NUP54: variants seen among roughly 807,000 people sequenced by gnomAD.
NUP54 encodes the protein nucleoporin 54.
A neutral mutation model predicts 66.4 loss-of-function variants in NUP54; 27 were observed. The ratio of observed to expected loss-of-function variants is 0.41; its 90% CI spans 0.30 to 0.56. The LOEUF is 0.56. Ranked by LOEUF, NUP54 falls within the 20% of genes least tolerant of loss-of-function variation. The pLI, the probability that NUP54 is intolerant of heterozygous loss-of-function variation, is 0.34. For synonymous variants in NUP54, 206 were observed against 210.7 expected (o/e 0.98, Z 0.19); for missense variants, 486 against 596.3 (o/e 0.82, Z 1.93).
chr4:76,131,415 T>C (rs1398945120), intron 6 of NUP54, 131 bp from the exon 7 acceptor site: 8 of 528,398 alleles, frequency 1.5e-5, no homozygotes, highest in Non-Finnish European at 2.6e-5. Context: ...AATATAATCA[T>C]GGTAAAAATA....
chr4:76,128,285 C>A (rs1210562022), intron 8 of NUP54, among the ~76,000 whole-genome samples: 1 of 151,896 alleles, frequency 6.6e-6, no homozygotes, highest in African/African-American at 2.4e-5. Context: ...AACCAAGAGT[C>A]TCCAGACATT....
chr4:76,121,976 C>T (rs977143345), intron 9 of NUP54, among the ~76,000 whole-genome samples: 1 of 152,114 alleles, frequency 6.6e-6, no homozygotes, highest in African/African-American at 2.4e-5. Flanking sequence ...TTTATGAAAA[C>T]CTCCAAGATA....
rs1275539994 is a variant in NUP54, at chr4:76,132,485, T to A, written c.907+38A>T. 8 of 1,490,460 alleles carry A rather than the reference T, an allele frequency of 5.4e-6. No homozygotes were observed. In the East Asian group the frequency reaches 1.9e-4, roughly 35 times the overall value. 92.3% of individuals were successfully genotyped at this position (1,490,460 alleles called of 1,614,324 possible). A position where few individuals can be genotyped will look rare whatever the true frequency, so the allele number is the denominator to read the frequency against. ...TACGGGGAGTGTTTAGTTCTAAATCTTTCTTTTTTTTTGAACTCTGTGATT... is the reference window on the plus strand; with the variant it reads ...TACGGGGAGTGTTTAGTTCTAAATCATTCTTTTTTTTTGAACTCTGTGATT... On this transcript the variant is annotated intron_variant, in intron 6 of 11. Transcript: ENST00000264883.
At chr4:76,138,147 GTATATA>G in intron 3 of NUP54, among the ~76,000 whole-genome samples, 1 of 152,096 alleles carries the variant, frequency 6.6e-6, no homozygotes, top group East Asian at 1.9e-4. Context: ...TCCCAAATTA[GTATATA>G]TAAACATTGG....
chr4:76,125,061 A>G (rs7693762), intron 8 of NUP54, among the ~76,000 whole-genome samples: 19,958 of 152,002 alleles, frequency 0.13, 1,538 homozygotes, highest in East Asian at 0.35. Context: ...AGGACGAGGC[A>G]GGCAAATTAC....
chr4:76,128,524 G>C lies in NUP54; in HGVS notation c.1056+2132C>G, dbSNP rs530984793. Among the ~76,000 whole-genome samples, 4 of 151,982 alleles carry C rather than the reference G, an allele frequency of 2.6e-5. No individual in the cohort carries two copies. In the South Asian group the frequency reaches 6.2e-4, roughly 24 times the overall value. On this transcript the variant is annotated intron_variant, in intron 8 of 11. Coordinates refer to ENST00000264883, the MANE Select transcript of NUP54 (RefSeq NM_017426.4). ...AATCCAAACTTTTTGCTGTCTACAA[G>C]AATCTCGCTTCAAATATAACAATAT...
intron 1 of NUP54, chr4:76,145,496 C>T: frequency 1.1e-6 from 1 of 933,452 alleles, no homozygotes; most frequent in South Asian, 1.7e-5. Context: ...ACTTATATTT[C>T]TACTTAGTCT....
intron 9 of NUP54, among the ~76,000 whole-genome samples, chr4:76,120,419 CTCTTTTT>C (rs1730179959): frequency 7.8e-6 from 1 of 127,754 alleles, no homozygotes; most frequent in African/African-American, 3.3e-5. Flanking sequence ...GTAAAGGGAT[CTCTTTTT>C]TTTTTTTTTT....
intron 1 of NUP54, among the ~76,000 whole-genome samples, chr4:76,145,084 C>T (rs149618424): frequency 0.13 from 19,711 of 151,362 alleles, 1,479 homozygotes; most frequent in East Asian, 0.34. Flanking sequence ...TTTGGGAGGC[C>T]GAGGGGGGTG....
At chr4:76,128,976 A>G (rs992655442) in intron 8 of NUP54, among the ~76,000 whole-genome samples, 3 of 152,174 alleles carry the variant, frequency 2.0e-5, no homozygotes, top group Admixed American at 2.0e-4. Flanking sequence ...AACAGATACA[A>G]AAGTACAGCT....
chr4:76,117,181 T>G (rs1383993891), intron 11 of NUP54, among the ~76,000 whole-genome samples: 5 of 152,336 alleles, frequency 3.3e-5, no homozygotes, highest in African/African-American at 1.2e-4. Flanking sequence ...ATATTTCCCT[T>G]TTATGAGTGG....
chr4:76,145,598 A>G, intron 1 of NUP54: 1 of 1,267,868 alleles, frequency 7.9e-7, no homozygotes, highest in Non-Finnish European at 1.0e-6. Context: ...GAGATTTGAC[A>G]GATAAATGGA....
At chr4:76,141,164 C>T (rs760736863) in intron 3 of NUP54, among the ~76,000 whole-genome samples, 2 of 134,796 alleles carry the variant, frequency 1.5e-5, no homozygotes, top group East Asian at 2.2e-4. Context: ...AATACATGGA[C>T]GGGCATCTCT....
chr4:76,125,383 T>C (rs1408380942), intron 8 of NUP54, among the ~76,000 whole-genome samples: 1 of 150,558 alleles, frequency 6.6e-6, no homozygotes, highest in African/African-American at 2.4e-5. Flanking sequence ...CCTGTAATCC[T>C]AGCACTTTGG....
intron 9 of NUP54, among the ~76,000 whole-genome samples, chr4:76,123,508 CTT>C (rs529829145): frequency 6.7e-6 from 1 of 149,440 alleles, no homozygotes; most frequent in Non-Finnish European, 1.5e-5. Flanking sequence ...GCAGCATCTT[CTT>C]TTTTTTTTCT....
rs1236278261 is a variant in NUP54, at chr4:76,125,340, A to ACG, written c.1057-585_1057-584insCG. Among the ~76,000 whole-genome samples the ACG allele has an allele frequency of 3.4e-5, 5 of 148,896 alleles. No individual in the cohort carries two copies. In the South Asian group the frequency reaches 6.4e-4, roughly 19 times the overall value. Reference sequence around the variant, plus strand: ...ATCACACACACACACACACACACACACACACACACACGGCTGGGCACAGTG... The same window carrying ACG: ...ATCACACACACACACACACACACACACGCACACACACACGGCTGGGCACAGTG... On this transcript the variant is annotated intron_variant, in intron 8 of 11. Coordinates refer to ENST00000264883, the MANE Select transcript of NUP54 (RefSeq NM_017426.4).
At chr4:76,124,894 T>C in intron 8 of NUP54, 138 bp from the exon 9 acceptor site, 1 of 497,414 alleles carries the variant, frequency 2.0e-6, no homozygotes, top group South Asian at 3.3e-5. Flanking sequence ...CCTATAAATC[T>C]GTGCTTTATA....
intron 9 of NUP54, among the ~76,000 whole-genome samples, chr4:76,123,755 C>T (rs919204796): frequency 1.3e-5 from 2 of 152,142 alleles, no homozygotes; most frequent in Non-Finnish European, 2.9e-5. Flanking sequence ...CTCAGGCAAT[C>T]CACTCACCTC....
chr4:76,146,132 G>C (rs1482026438), intron 1 of NUP54: 2 of 447,956 alleles, frequency 4.5e-6, no homozygotes, highest in Admixed American at 4.9e-5. Context: ...TAGCAGATCT[G>C]CAAGTATACA....
Sources: allele counts gnomAD v4.1 joint callset (sites outside exome capture counted in the v4.1 genomes callset), GRCh38; gene constraint gnomAD v4.1.1; transcripts MANE v1.5; gene names NCBI Gene and HGNC (gene_info 2026-07-23, HGNC 2026-07-21).